CPED1: variants seen among roughly 807,000 people sequenced by gnomAD.
CPED1 encodes the protein cadherin-like and PC-esterase domain-containing protein 1.
In CPED1, 114 loss-of-function variants were observed where a neutral mutation model predicts 128.2. The ratio of observed to expected loss-of-function variants is 0.89; its 90% CI spans 0.76 to 1.04. CPED1 has a LOEUF of 1.04. Among genes scored for constraint, CPED1 ranks in the 50% least tolerant of loss-of-function variants. The pLI is 0.00. For synonymous variants in CPED1, 462 were observed against 426.7 expected, an observed-to-expected ratio of 1.08 and a Z score of -1.02; for missense variants, 1,211 against 1,207.1, an observed-to-expected ratio of 1.00 and a Z score of -0.05.
chr7:121,087,085 C>G (rs1794442194), intron 5 of CPED1, among the ~76,000 whole-genome samples: 2 of 151,944 alleles, frequency 1.3e-5, no homozygotes, highest in African/African-American at 4.9e-5. Context: ...CAAATTAAAA[C>G]ACTCAATCCC....
intron 5 of CPED1, among the ~76,000 whole-genome samples, chr7:121,090,159 C>T (rs939626270): frequency 1.3e-5 from 2 of 152,148 alleles, no homozygotes; most frequent in African/African-American, 2.4e-5. Context: ...CAAAGAAGAG[C>T]GTTCATGGCT....
At chr7:121,265,913 T>C (rs1792111996) in intron 18 of CPED1, among the ~76,000 whole-genome samples, 1 of 152,042 alleles carries the variant, frequency 6.6e-6, no homozygotes, top group Admixed American at 6.6e-5. Flanking sequence ...TCTATTTGAA[T>C]CAATAGAACT....
rs182308231 is a variant in CPED1, at chr7:121,212,063, A to G, written c.2056-24651A>G. The stretch of plus-strand genomic sequence containing the variant: ...CATTGCCTGGCAAAGATGATAGCCT[A>G]TTTCCCACAGGAAAATGCCAACACC... On this transcript the variant is annotated intron_variant, in intron 16 of 22. Coordinates refer to ENST00000310396, the MANE Select transcript of CPED1 (RefSeq NM_024913.5). Among the ~76,000 whole-genome samples the G allele has an allele frequency of 2.0e-4, 30 of 152,100 alleles. No individual in the cohort carries two copies. The South Asian group carries it at 4.2e-3, about 21-fold the overall frequency.
At chr7:121,254,811 G>A (rs1359095909) in intron 18 of CPED1, among the ~76,000 whole-genome samples, 2 of 151,672 alleles carry the variant, frequency 1.3e-5, no homozygotes, top group African/African-American at 4.8e-5. Context: ...TAGAGGAAAT[G>A]GATAAATTCC....
intron 18 of CPED1, among the ~76,000 whole-genome samples, chr7:121,254,177 C>T (rs1798752310): frequency 1.3e-5 from 2 of 152,026 alleles, no homozygotes; most frequent in Admixed American, 1.3e-4. Context: ...CAAATCTCAA[C>T]AGATTCCAAA....
At chr7:121,230,398 C>G (rs1183713804) in intron 16 of CPED1, among the ~76,000 whole-genome samples, 2 of 152,000 alleles carry the variant, frequency 1.3e-5, no homozygotes, top group Non-Finnish European at 2.9e-5. Context: ...AGTTCAATTT[C>G]AGCTGTTTGG....
chr7:121,157,389 G>A (rs1043063583), intron 16 of CPED1, among the ~76,000 whole-genome samples: 8 of 152,140 alleles, frequency 5.3e-5, no homozygotes, highest in East Asian at 1.9e-4. Context: ...CAACAATTAC[G>A]TGTGGGGAAA....
chr7:121,229,722 A>G (rs973907003), intron 16 of CPED1, among the ~76,000 whole-genome samples: 3 of 152,060 alleles, frequency 2.0e-5, no homozygotes, highest in African/African-American at 7.2e-5. Flanking sequence ...AAAATTCCCT[A>G]ACACAATATT....
intron 2 of CPED1, among the ~76,000 whole-genome samples, chr7:121,012,639 C>T (rs538348360): frequency 8.5e-5 from 13 of 152,326 alleles, no homozygotes; most frequent in African/African-American, 2.9e-4. Context: ...CCGGCTAAAA[C>T]TGTTCTTGCC....
intron 16 of CPED1, among the ~76,000 whole-genome samples, chr7:121,199,720 A>AGAAAGAAG: frequency 6.6e-6 from 1 of 150,966 alleles, no homozygotes; most frequent in African/African-American, 2.4e-5. Flanking sequence ...AAAGAAAGAA[A>AGAAAGAAG]AGAAAAATAC....
intron 22 of CPED1, among the ~76,000 whole-genome samples, chr7:121,280,226 C>G (rs577697944): frequency 6.6e-6 from 1 of 152,242 alleles, no homozygotes; most frequent in South Asian, 2.1e-4. Context: ...ACAGGTCATT[C>G]CAATAGTGTA....
Position 121,128,367 on chromosome 7 carries a change from C to T in CPED1, c.1303-15C>T. On this transcript the variant is annotated splice_polypyrimidine_tract_variant and intron_variant, in intron 10 of 22. Coordinates refer to ENST00000310396, the MANE Select transcript of CPED1 (RefSeq NM_024913.5). ...TTTTAACAATTGCTTAAGTTCTTTC[C>T]CCCTACCAATACAGGGTGAAAACTA... 2 of 1,371,458 alleles carry T rather than the reference C, an allele frequency of 1.5e-6. No individual in the cohort carries two copies. Among genetic ancestry groups the T allele is most frequent in the South Asian group, 1.2e-5 (1 of 85,164 alleles). 85.0% of individuals were successfully genotyped at this position (1,371,458 alleles called of 1,614,324 possible).
At chr7:121,181,873 A>G (rs1305173998) in intron 16 of CPED1, among the ~76,000 whole-genome samples, 1 of 152,126 alleles carries the variant, frequency 6.6e-6, no homozygotes, top group Non-Finnish European at 1.5e-5. Context: ...AAATCAAGGA[A>G]TATTAGATGC....
At chr7:121,268,307 C>T (rs1275835017) in intron 21 of CPED1, among the ~76,000 whole-genome samples, 1 of 152,032 alleles carries the variant, frequency 6.6e-6, no homozygotes, top group African/African-American at 2.4e-5. Flanking sequence ...AATTGGCATA[C>T]TTGTGGCCTT....
At chr7:121,005,351 C>T (rs1460287763) in intron 2 of CPED1, among the ~76,000 whole-genome samples, 3 of 152,094 alleles carry the variant, frequency 2.0e-5, no homozygotes, top group African/African-American at 7.2e-5. Context: ...TGGGTTGGTT[C>T]CAAGTCTTTG....
chr7:121,171,167 A>T (rs1796642302), intron 16 of CPED1, among the ~76,000 whole-genome samples: 1 of 152,126 alleles, frequency 6.6e-6, no homozygotes, highest in Admixed American at 6.6e-5. Context: ...TTGTAAAGTG[A>T]TTGTTAAATA....
rs1796430416 is a variant in CPED1 at position 120,997,702 on chromosome 7, C to A, written c.249+7832C>A. On this transcript the variant is annotated intron_variant, in intron 2 of 22. Transcript: ENST00000310396. ...TTGGAAGGCCAAGGTGGGTGGATCA[C>A]CTGAGGTCAGGAGTTTGAGACCAGC... Among the ~76,000 whole-genome samples the A allele has an allele frequency of 2.0e-5, 3 of 152,058 alleles. No individual in the cohort carries two copies. In the South Asian group the frequency reaches 6.2e-4, roughly 31 times the overall value.
chr7:121,187,753 A>G (rs1390403718), intron 16 of CPED1, among the ~76,000 whole-genome samples: 1 of 152,158 alleles, frequency 6.6e-6, no homozygotes, highest in Non-Finnish European at 1.5e-5. Flanking sequence ...CCAGAATTAT[A>G]AAATCTCTAC....
intron 4 of CPED1, among the ~76,000 whole-genome samples, chr7:121,057,753 C>A (rs1793538315): frequency 6.6e-6 from 1 of 152,080 alleles, no homozygotes; most frequent in African/African-American, 2.4e-5. Context: ...ATTTATTTAG[C>A]TCTACTTTAG....
Sources: gnomAD v4.1 joint callset for allele counts (sites outside exome capture counted in the v4.1 genomes callset) on GRCh38, gnomAD v4.1.1 for gene constraint, MANE v1.5 for transcripts, NCBI Gene and HGNC (gene_info 2026-07-23, HGNC 2026-07-21) for gene names.